Variants in ADAM32 observed in about 807,000 individuals in gnomAD.
ADAM32 encodes the protein disintegrin and metalloproteinase domain-containing protein 32.
ADAM32 carries 89 observed loss-of-function variants against 114.9 expected under a neutral mutation model. That is an observed-to-expected ratio of 0.77 (90% confidence interval 0.65 to 0.92). The LOEUF (loss-of-function observed/expected upper bound fraction) is 0.92, where lower values mean the gene tolerates loss of function less well. Ranked by LOEUF, ADAM32 falls within the 40% of genes least tolerant of loss-of-function variation. The pLI is 0.00. For synonymous variants in ADAM32, 285 were observed against 307.5 expected (o/e 0.93, Z 0.77); for missense variants, 870 against 932.8 (o/e 0.93, Z 0.88).
chr8:39,125,197 TG>T (rs1244371830), intron 2 of ADAM32, among the ~76,000 whole-genome samples: 2 of 152,238 alleles, frequency 1.3e-5, no homozygotes, highest in South Asian at 2.1e-4. Flanking sequence ...TGGAGTTTTT[TG>T]TTTTTTTCTT....
chr8:39,273,483 C>T (rs781050227), intron 20 of ADAM32, among the ~76,000 whole-genome samples: 1 of 152,014 alleles, frequency 6.6e-6, no homozygotes, highest in South Asian at 2.1e-4. Context: ...GACAAGATCT[C>T]GACATTGCAC....
intron 7 of ADAM32, 110 bp downstream of exon 7, chr8:39,161,075 T>C (rs1804481180): frequency 2.1e-6 from 2 of 958,354 alleles, no homozygotes; most frequent in East Asian, 2.9e-5. Flanking sequence ...TCACATGTCA[T>C]AGAGACAATA....
At chr8:39,128,695 T>C (rs1802257597) in intron 2 of ADAM32, among the ~76,000 whole-genome samples, 1 of 152,156 alleles carries the variant, frequency 6.6e-6, no homozygotes, top group Non-Finnish European at 1.5e-5. Context: ...CAGGCATTAT[T>C]CCAAGATAGG....
At chr8:39,229,250 GAC>G (rs2129449164) in intron 14 of ADAM32, among the ~76,000 whole-genome samples, 1 of 152,060 alleles carries the variant, frequency 6.6e-6, no homozygotes, top group South Asian at 2.1e-4. Flanking sequence ...AATCACACAG[GAC>G]CTATAAAACA....
intron 19 of ADAM32, among the ~76,000 whole-genome samples, chr8:39,260,483 T>C (rs867836998): frequency 6.6e-5 from 10 of 152,272 alleles, no homozygotes; most frequent in Middle Eastern, 3.4e-3. Flanking sequence ...GCTTTTGTTA[T>C]GTTGAGGTAT....
chr8:39,202,544 G>A (rs138504350), intron 11 of ADAM32, among the ~76,000 whole-genome samples: 35,864 of 151,974 alleles, frequency 0.24, 4,782 homozygotes, highest in Non-Finnish European at 0.29. Flanking sequence ...CTTGCTAGCA[G>A]TCTATCAATT....
intron 2 of ADAM32, among the ~76,000 whole-genome samples, chr8:39,126,007 T>A (rs62504763): frequency 3.5e-3 from 530 of 152,308 alleles, no homozygotes; most frequent in Non-Finnish European, 5.7e-3. Flanking sequence ...CTCTATTCTG[T>A]TCCGTTGGTC....
At chr8:39,274,416 A>G in intron 21 of ADAM32, 66 bp downstream of exon 21, 2 of 1,521,538 alleles carry the variant, frequency 1.3e-6, no homozygotes, top group Non-Finnish European at 1.8e-6. Context: ...ATAATTCACA[A>G]TTTATTTCTA....
intron 16 of ADAM32, among the ~76,000 whole-genome samples, chr8:39,237,457 G>A (rs1281350823): frequency 6.6e-6 from 1 of 152,106 alleles, no homozygotes; most frequent in Non-Finnish European, 1.5e-5. Context: ...CTTTCTCAGT[G>A]GGGAGGCTTG....
At chr8:39,253,659 C>T (rs1811447262) in intron 17 of ADAM32, among the ~76,000 whole-genome samples, 1 of 151,428 alleles carries the variant, frequency 6.6e-6, no homozygotes. Flanking sequence ...GTTAAACAAT[C>T]CCATTTACAA....
intron 20 of ADAM32, among the ~76,000 whole-genome samples, chr8:39,272,108 A>G (rs1250521797): frequency 2.3e-4 from 34 of 151,016 alleles, no homozygotes; most frequent in African/African-American, 7.7e-4. Flanking sequence ...CCAGAAAAAA[A>G]AAAAAAAAAA....
At chr8:39,256,960 G>A (rs1229217966) in intron 18 of ADAM32, among the ~76,000 whole-genome samples, 1 of 151,962 alleles carries the variant, frequency 6.6e-6, no homozygotes, top group African/African-American at 2.4e-5. Context: ...TAGCTGCTGT[G>A]AGACTTGAAT....
At chr8:39,146,611 A>G (rs1193069681) in intron 3 of ADAM32, among the ~76,000 whole-genome samples, 1 of 151,954 alleles carries the variant, frequency 6.6e-6, no homozygotes, top group Non-Finnish European at 1.5e-5. Context: ...GGGTTTCACC[A>G]TGTTGGCCAG....
chr8:39,137,123 C>T (rs867086141), intron 3 of ADAM32, among the ~76,000 whole-genome samples: 2 of 152,078 alleles, frequency 1.3e-5, no homozygotes, highest in Admixed American at 6.6e-5. Context: ...GCAGAGCTGG[C>T]GAATAGTTTA....
intron 20 of ADAM32, among the ~76,000 whole-genome samples, chr8:39,272,650 G>A (rs1398770241): frequency 6.6e-6 from 1 of 152,170 alleles, no homozygotes; most frequent in Non-Finnish European, 1.5e-5. Flanking sequence ...TGCAGGACTG[G>A]AAGTTGCTCC....
intron 10 of ADAM32, among the ~76,000 whole-genome samples, chr8:39,184,812 A>G (rs529291100): frequency 6.6e-6 from 1 of 152,346 alleles, no homozygotes; most frequent in Admixed American, 6.5e-5. Flanking sequence ...TATGATGCTC[A>G]TATATTTTAT....
At chr8:39,248,498 C>T (rs1811077113) in intron 17 of ADAM32, among the ~76,000 whole-genome samples, 1 of 152,028 alleles carries the variant, frequency 6.6e-6, no homozygotes, top group African/African-American at 2.4e-5. Flanking sequence ...TTGTTCGTTG[C>T]TGGTGTATAG....
rs749009015 is a variant in ADAM32 at position 39,254,436 on chromosome 8, G to A, written c.1925G>A (p.Cys642Tyr). Residue 642 changes from cysteine to tyrosine, a missense_variant, in exon 18 of 25, where the codon TGC becomes TAC. Coordinates refer to ENST00000379907, the MANE Select transcript of ADAM32 (RefSeq NM_145004.7). Reference protein sequence around the residue: ...GHGVCDSRNKCHCSPGYKPPN... With the variant: ...GHGVCDSRNKYHCSPGYKPPN... ...TAGGTGTGTGATTCCAGAAACAAGT[G>A]CCATTGTTCGCCAGGCTATAAGCCT... The A allele has an allele frequency of 1.0e-5, 16 of 1,599,622 alleles. No homozygotes were observed. The highest frequency in any genetic ancestry group is 1.4e-5 in the Non-Finnish European group (16 of 1,172,500).
At chr8:39,142,971 A>T (rs1803264241) in intron 3 of ADAM32, among the ~76,000 whole-genome samples, 1 of 151,920 alleles carries the variant, frequency 6.6e-6, no homozygotes, top group African/African-American at 2.4e-5. Flanking sequence ...TTAATCACTG[A>T]TATTGTTTCT....
Sources: gnomAD v4.1 joint callset for allele counts (sites outside exome capture counted in the v4.1 genomes callset) on GRCh38, gnomAD v4.1.1 for gene constraint, MANE v1.5 for transcripts, NCBI Gene and HGNC (gene_info 2026-07-23, HGNC 2026-07-21) for gene names.